Variants in MYO1F observed in about 807,000 individuals in gnomAD.
MYO1F encodes the protein unconventional myosin-If.
MYO1F carries 60 observed loss-of-function variants against 146.6 expected under a neutral mutation model. That is an observed-to-expected ratio of 0.41 (90% CI 0.33 to 0.51). The LOEUF is 0.51. Among genes scored for constraint, MYO1F ranks in the 20% least tolerant of loss-of-function variants. MYO1F has a pLI of 0.25. For missense variants in MYO1F, 1,274 were observed against 1,534.3 expected (o/e 0.83, Z 2.83); for synonymous variants, 602 against 602.1 (o/e 1.00, Z 0.00).
intron 23 of MYO1F, 74 bp from the exon 24 acceptor site, chr19:8,526,675 A>C: frequency 6.5e-7 from 1 of 1,547,682 alleles, no homozygotes; most frequent in Non-Finnish European, 8.7e-7. Context: ...TGGTTGGGGC[A>C]GGGGCGGGGC....
intron 1 of MYO1F, among the ~76,000 whole-genome samples, chr19:8,556,459 T>C (rs1376479245): frequency 7.1e-6 from 1 of 140,248 alleles, no homozygotes; most frequent in Non-Finnish European, 1.5e-5. Context: ...CTGGGCAACA[T>C]AGCGAGGCCC....
At chr19:8,572,994 C>T (rs1555732331) in intron 1 of MYO1F, among the ~76,000 whole-genome samples, 1 of 152,200 alleles carries the variant, frequency 6.6e-6, no homozygotes, top group Admixed American at 6.5e-5. Flanking sequence ...TTGTTCCTGG[C>T]CCTGTGACTG....
chr19:8,530,119 G>A lies in MYO1F; in HGVS notation c.2328+77C>T, dbSNP rs1972418948. 1.3e-6 allele frequency: 2 copies of A among 1,578,738 alleles called. No homozygotes were observed. The highest frequency in any genetic ancestry group is 1.7e-6 in the Non-Finnish European group (2 of 1,150,100). On this transcript the variant is annotated intron_variant, in intron 21 of 27. Transcript: ENST00000644032. The surrounding 1 kb of genome is among the most constrained non-coding windows in gnomAD (Gnocchi z 5.8). ...TCTAGGCTGGGGGATATCTGGCTGT[G>A]GGCAGGTGCATCTGGGCCAGGTGAG...
In MYO1F at chr19:8,545,685, T is replaced by C. The variant is rs1973317156; in HGVS notation, c.1321A>G (p.Asn441Asp). ...IRWTPIQYFN[N>D]KVVCDLIENK... is the part of the protein sequence containing the mutation. ...TCGATGAGGTCACAGACGACCTTGT[T>C]GTTGAAGTACTGGATTGGAGTCCAG... Residue 441 changes from asparagine (N) to aspartate (D), a missense_variant, in exon 13 of 28, where the codon AAC (asparagine) becomes GAC (aspartate). Transcript: ENST00000644032. 6.2e-7 allele frequency: 1 copy of C among 1,613,992 alleles called. No homozygotes were observed. The highest frequency in any genetic ancestry group is 8.5e-7 in the Non-Finnish European group (1 of 1,180,028).
At position 8,568,779 on chromosome 19, in the gene MYO1F, G is replaced by A. The variant is rs1360570805; in HGVS notation, c.3+8528C>T. Among the ~76,000 whole-genome samples, 5 of 152,184 alleles carry A rather than the reference G, an allele frequency of 3.3e-5. No individual in the cohort carries two copies. The South Asian group carries it at 6.2e-4, about 19-fold the overall frequency. ...CTACTAAAAATACAAAAATTAGCCC[G>A]GCGTGGTGGCGGGTGTCTGTAGTCT... On this transcript the variant is annotated intron_variant, in intron 1 of 27. Transcript: ENST00000644032.
In MYO1F at chr19:8,544,565, G is replaced by A. The variant is rs1239858404; in HGVS notation, c.1357-101C>T. The A allele has an allele frequency of 3.2e-6, 4 of 1,259,960 alleles. No homozygotes were observed. The East Asian group carries it at 1.0e-4, about 32-fold the overall frequency. The allele number at this position is 1,259,960 out of a possible 1,614,324, so 78.0% of individuals were successfully genotyped here. On this transcript the variant is annotated intron_variant, in intron 13 of 27. Coordinates refer to ENST00000644032, the MANE Select transcript of MYO1F (RefSeq NM_012335.4). ...TAGGGGAGGGAGGGGGTGGAGGAGTGGAGGGAGCTAGAGCTTTGGGGGTGG... is the reference window on the plus strand; with the variant it reads ...TAGGGGAGGGAGGGGGTGGAGGAGTAGAGGGAGCTAGAGCTTTGGGGGTGG...
rs553842062 is a variant in MYO1F at position 8,521,107 on chromosome 19, C to T, written c.*421G>A. On this transcript the variant is annotated 3_prime_UTR_variant, in exon 28 of 28. Transcript: ENST00000644032. The stretch of plus-strand genomic sequence containing the variant: ...TTGTTGGGCACTTAGTAAGTTAACT[C>T]GTGCTTTCACCTGGCAAAGGTTTAT... 19 of 307,848 alleles carry T rather than the reference C, an allele frequency of 6.2e-5. No individual in the cohort carries two copies. In the East Asian group the frequency reaches 1.3e-3, roughly 22 times the overall value. The allele number at this position is 307,848 out of a possible 1,614,324, so 19.1% of individuals were successfully genotyped here. A position where few individuals can be genotyped will look rare whatever the true frequency, so the allele number is the denominator to read the frequency against.
rs745602882 is a variant in MYO1F, at chr19:8,551,782, C to T, written c.729G>A (p.Gln243=). ...YYYLNQSDTY[Q]VDGTDDRSDF... ...CGCTTCTGTCGTCCGTGCCGTCCAC[C>T]TGGTAGGTGTCCGATTGGTTGAGGT... The change falls in exon 8 of 28, where the codon CAG becomes CAA. Residue 243 remains glutamine, a synonymous_variant. Coordinates refer to ENST00000644032, the MANE Select transcript of MYO1F (RefSeq NM_012335.4). 11 of 1,614,186 alleles carry T rather than the reference C, an allele frequency of 6.8e-6. 1 individual carries two copies. In the South Asian group the frequency reaches 9.9e-5, roughly 15 times the overall value.
chr19:8,566,216 G>A lies in MYO1F; in HGVS notation c.4-10420C>T, dbSNP rs138792758. 8.5e-3 allele frequency among the ~76,000 whole-genome samples: 1,183 copies of A among 138,624 alleles called. 20 individuals are homozygous for A. Among genetic ancestry groups the A allele is most frequent in the African/African-American group, 0.03 (1,124 of 36,858 alleles). The allele number at this position is 138,624 out of a possible 152,430, so 90.9% of individuals were successfully genotyped here. On this transcript the variant is annotated intron_variant, in intron 1 of 27. Transcript: ENST00000644032. ...GGAGTCTTGCTTTCTCGCCCAGGCT[G>A]GAGTGCAGTGGCATGATCTCGGCTC...
At chr19:8,553,484 CT>C in intron 4 of MYO1F, 47 bp from the exon 5 acceptor site, 1 of 1,497,338 alleles carries the variant, frequency 6.7e-7, no homozygotes, top group Non-Finnish European at 9.3e-7. Context: ...GGGAAGAGCC[CT>C]TTTTAGTGCC....
rs1386035151 is a variant in MYO1F, at chr19:8,572,694, G to A, written c.3+4613C>T. Among the ~76,000 whole-genome samples the A allele has an allele frequency of 2.0e-5, 3 of 152,130 alleles. No individual in the cohort carries two copies. In the East Asian group the frequency reaches 5.8e-4, roughly 29 times the overall value. On this transcript the variant is annotated intron_variant, in intron 1 of 27. Coordinates refer to ENST00000644032, the MANE Select transcript of MYO1F (RefSeq NM_012335.4). ...TCACTGGTCTCCCTGCTTTGTGGCTGTATCTTATTTATTTGTTTAGAAACA... is the reference window on the plus strand; with the variant it reads ...TCACTGGTCTCCCTGCTTTGTGGCTATATCTTATTTATTTGTTTAGAAACA...
intron 8 of MYO1F, 145 bp downstream of exon 8, chr19:8,551,595 A>T: frequency 1.7e-6 from 2 of 1,181,858 alleles, no homozygotes; most frequent in Non-Finnish European, 2.5e-6. Flanking sequence ...TAAGTGATCT[A>T]CCTGCCTCGG....
intron 6 of MYO1F, 23 bp from the exon 7 acceptor site, chr19:8,552,187 A>G (rs763507535): frequency 1.9e-6 from 3 of 1,613,818 alleles, no homozygotes; most frequent in Non-Finnish European, 2.5e-6. Context: ...GAACCATGTC[A>G]GCACCCCAGT....
chr19:8,545,753 G>T lies in MYO1F; in HGVS notation c.1270-17C>A, dbSNP rs559098832. Reference sequence around the variant, plus strand: ...ATACTCCTCCTGGGGTGGAAAAGGGGGTGGATGTGGGGGCCAGTGAAAAAG... The same window carrying T: ...ATACTCCTCCTGGGGTGGAAAAGGGTGTGGATGTGGGGGCCAGTGAAAAAG... On this transcript the variant is annotated splice_polypyrimidine_tract_variant and intron_variant, in intron 12 of 27. Coordinates refer to ENST00000644032, the MANE Select transcript of MYO1F (RefSeq NM_012335.4). 1.3e-6 allele frequency: 2 copies of T among 1,597,338 alleles called. No individual in the cohort carries two copies. The highest frequency in any genetic ancestry group is 1.7e-5 in the Admixed American group (1 of 59,968).
intron 1 of MYO1F, among the ~76,000 whole-genome samples, chr19:8,560,725 G>A (rs2145946633): frequency 7.1e-6 from 1 of 141,746 alleles, no homozygotes; most frequent in East Asian, 2.1e-4. Flanking sequence ...ACAGGCACAT[G>A]CCACCACGCC....
In MYO1F at chr19:8,534,680, C is replaced by T. The variant is rs543912352; in HGVS notation, c.2043+1572G>A. On this transcript the variant is annotated intron_variant, in intron 19 of 27. Coordinates refer to ENST00000644032, the MANE Select transcript of MYO1F (RefSeq NM_012335.4). ...TCACTCTGTTGCCCAGGCTAGAGTG[C>T]AGTGGTGCGATCTCGGCTCACTGCA... 2.6e-5 allele frequency among the ~76,000 whole-genome samples: 4 copies of T among 151,724 alleles called. No individual in the cohort carries two copies. In the East Asian group the frequency reaches 7.7e-4, roughly 29 times the overall value.
At chr19:8,537,262 C>G (rs1277573111) in intron 16 of MYO1F, among the ~76,000 whole-genome samples, 1 of 152,094 alleles carries the variant, frequency 6.6e-6, no homozygotes, top group Non-Finnish European at 1.5e-5. Context: ...TGTGGGGTGT[C>G]TGCCTGACCC....
chr19:8,538,577 C>G (rs913535048), intron 16 of MYO1F, among the ~76,000 whole-genome samples: 1 of 148,670 alleles, frequency 6.7e-6, no homozygotes, highest in African/African-American at 2.6e-5. Context: ...CCATTGCTCC[C>G]GGTCTGATTT....
At chr19:8,561,608 T>G (rs1462944322) in intron 1 of MYO1F, among the ~76,000 whole-genome samples, 1 of 146,508 alleles carries the variant, frequency 6.8e-6, no homozygotes, top group East Asian at 2.4e-4. Flanking sequence ...TTCTCTTTTT[T>G]CTTTCTCTCT....
Sources: gnomAD v4.1 joint callset for allele counts (sites outside exome capture counted in the v4.1 genomes callset) on GRCh38, gnomAD v4.1.1 for gene constraint, Gnocchi (gnomAD v3.1) non-coding constraint, MANE v1.5 for transcripts, NCBI Gene and HGNC (gene_info 2026-07-23, HGNC 2026-07-21) for gene names.